Variants in FRAS1 observed in about 807,000 individuals in gnomAD.
The protein encoded by FRAS1 is extracellular matrix organizing protein FRAS1.
Under a neutral mutation model 435.2 loss-of-function variants are expected in FRAS1, and 290 were observed. The observed-to-expected ratio is 0.67, with a 90% CI of 0.61 to 0.73. The LOEUF is 0.73. Ranked by LOEUF, FRAS1 falls within the 30% of genes least tolerant of loss-of-function variation. The pLI is 0.00. For synonymous variants in FRAS1, 1,800 were observed against 1,851.0 expected (o/e 0.97, Z 0.71); for missense variants, 4,860 against 5,001.5 (o/e 0.97, Z 0.85).
intron 2 of FRAS1, among the ~76,000 whole-genome samples, chr4:78,118,778 ATGCCTCACCCTCCTTCGGCT>A (rs1165475456): frequency 6.6e-6 from 1 of 151,988 alleles, no homozygotes; most frequent in African/African-American, 2.4e-5. Flanking sequence ...GGGTGAGGCA[ATGCCTCACCCTCCTTCGGCT>A]TGCACTCGGT....
At chr4:78,374,283 G>A (rs750447278) in intron 25 of FRAS1, 32 bp downstream of exon 25, 2 of 1,541,786 alleles carry the variant, frequency 1.3e-6, no homozygotes, top group East Asian at 2.3e-5. Flanking sequence ...ATTCTGGAAA[G>A]AAGTGAGGGC....
chr4:78,510,682 G>A (rs1217245595), intron 63 of FRAS1, among the ~76,000 whole-genome samples: 1 of 152,210 alleles, frequency 6.6e-6, no homozygotes, highest in Non-Finnish European at 1.5e-5. Context: ...GCTTCTGTAT[G>A]TTTGGGGACT....
chr4:78,533,350 G>A (rs57852431), intron 70 of FRAS1, among the ~76,000 whole-genome samples: 13,791 of 152,192 alleles, frequency 0.091, 796 homozygotes, highest in East Asian at 0.3. Context: ...ATGAGCCCTG[G>A]GGCACTAGAG....
intron 2 of FRAS1, among the ~76,000 whole-genome samples, chr4:78,148,727 C>G (rs1720515706): frequency 6.6e-6 from 1 of 152,166 alleles, no homozygotes. Flanking sequence ...TATTCAATAA[C>G]CTGATCAACT....
chr4:78,534,477 A>G lies in FRAS1; in HGVS notation c.10954A>G (p.Thr3652Ala). The G allele has an allele frequency of 6.2e-7, 1 of 1,613,384 alleles. No individual in the cohort carries two copies. The highest frequency in any genetic ancestry group is 8.5e-7 in the Non-Finnish European group (1 of 1,179,620). ...RFLIPIAFQQ[T>A]NRPVPVVYSL... is the part of the protein sequence containing the mutation. Reference sequence around the variant, plus strand: ...CCTGATACCCATTGCATTCCAGCAGACCAACCGCCCTGTGCCAGTTGTGTA... The same window carrying G: ...CCTGATACCCATTGCATTCCAGCAGGCCAACCGCCCTGTGCCAGTTGTGTA... The change falls in exon 71 of 74, where the codon ACC becomes GCC. Residue 3652 changes from threonine (T) to alanine (A), a missense_variant. Physicochemically the swap from Thr to Ala is moderately conservative, Grantham distance 58. Coordinates refer to ENST00000512123, the MANE Select transcript of FRAS1 (RefSeq NM_025074.7).
At chr4:78,134,650 T>C (rs1719845723) in intron 2 of FRAS1, among the ~76,000 whole-genome samples, 1 of 152,246 alleles carries the variant, frequency 6.6e-6, no homozygotes, top group African/African-American at 2.4e-5. Flanking sequence ...GTTTTACCTA[T>C]GGATTTAAAG....
chr4:78,516,441 C>T (rs1014175303), intron 66 of FRAS1, among the ~76,000 whole-genome samples: 1 of 152,188 alleles, frequency 6.6e-6, no homozygotes, highest in Non-Finnish European at 1.5e-5. Context: ...CTCTGTTGTC[C>T]TATGCATTGT....
At chr4:78,209,862 T>C (rs10010153) in intron 2 of FRAS1, among the ~76,000 whole-genome samples, 49 of 152,228 alleles carry the variant, frequency 3.2e-4, no homozygotes, top group African/African-American at 1.2e-3. Context: ...TTCTTTACTG[T>C]TGACCTGCCT....
chr4:78,489,618 A>G (rs1037278223), intron 59 of FRAS1, among the ~76,000 whole-genome samples: 1 of 152,212 alleles, frequency 6.6e-6, no homozygotes, highest in Non-Finnish European at 1.5e-5. Flanking sequence ...GATGTCATCT[A>G]TTCCTTCTTT....
chr4:78,091,604 C>T (rs949228672), intron 2 of FRAS1, among the ~76,000 whole-genome samples: 1 of 139,392 alleles, frequency 7.2e-6, no homozygotes, highest in African/African-American at 2.7e-5. Flanking sequence ...TATTTATATA[C>T]ATACATACAC....
intron 2 of FRAS1, among the ~76,000 whole-genome samples, chr4:78,115,432 G>A (rs1468110046): frequency 6.6e-6 from 1 of 152,122 alleles, no homozygotes; most frequent in Non-Finnish European, 1.5e-5. Context: ...ACCTCTGGTA[G>A]AATTCGGCTG....
chr4:78,492,343 C>A (rs1338976888), intron 59 of FRAS1, among the ~76,000 whole-genome samples: 1 of 152,110 alleles, frequency 6.6e-6, no homozygotes, highest in Non-Finnish European at 1.5e-5. Flanking sequence ...CCAAGACAAT[C>A]CTAAGCAAAA....
intron 58 of FRAS1, among the ~76,000 whole-genome samples, chr4:78,484,166 T>C (rs1720103016): frequency 6.6e-6 from 1 of 152,172 alleles, no homozygotes; most frequent in Admixed American, 6.5e-5. Flanking sequence ...ATTTTGCATC[T>C]GGTTTCTTTC....
At chr4:78,179,749 C>G (rs1483165972) in intron 2 of FRAS1, among the ~76,000 whole-genome samples, 1 of 152,118 alleles carries the variant, frequency 6.6e-6, no homozygotes, top group African/African-American at 2.4e-5. Flanking sequence ...AGGAATGGAA[C>G]TGGCAGCCAC....
intron 2 of FRAS1, among the ~76,000 whole-genome samples, chr4:78,075,011 G>A (rs1201440073): frequency 3.9e-5 from 6 of 152,106 alleles, no homozygotes; most frequent in Non-Finnish European, 8.8e-5. Flanking sequence ...CTCCGGTTTC[G>A]TATGCTCTTG....
chr4:78,289,749 A>T lies in FRAS1; in HGVS notation c.1534+3210A>T, dbSNP rs990870237. Among the ~76,000 whole-genome samples the T allele has an allele frequency of 3.3e-5, 5 of 152,128 alleles. No individual in the cohort carries two copies. The East Asian group carries it at 9.6e-4, about 29-fold the overall frequency. ...TGCCCTGCTCTCACCCATTTCCAGG[A>T]ATTAATAGCCCACTGCTTAATTACC... is the stretch of plus-strand genomic sequence containing the variant. On this transcript the variant is annotated intron_variant, in intron 14 of 73. Transcript: ENST00000512123.
At chr4:78,124,272 C>T (rs56350977) in intron 2 of FRAS1, among the ~76,000 whole-genome samples, 9,583 of 152,192 alleles carry the variant, frequency 0.063, 824 homozygotes, top group African/African-American at 0.19. Context: ...TGATGGATTA[C>T]GTTTATTGAT....
chr4:78,084,685 T>C lies in FRAS1; in HGVS notation c.108+18669T>C, dbSNP rs561979031. ...TTCTGGAATGAAAGATGTTCCGTCCTCTTCATACATTTCCTGCTCTAGTCC... is the reference window on the plus strand; with the variant it reads ...TTCTGGAATGAAAGATGTTCCGTCCCCTTCATACATTTCCTGCTCTAGTCC... On this transcript the variant is annotated intron_variant, in intron 2 of 73. Transcript: ENST00000512123. Among the ~76,000 whole-genome samples, 15 of 152,230 alleles carry C rather than the reference T, an allele frequency of 9.9e-5. No individual in the cohort carries two copies. The East Asian group carries it at 1.2e-3, about 12-fold the overall frequency.
intron 68 of FRAS1, 122 bp from the exon 69 acceptor site, chr4:78,522,527 C>A: frequency 1.2e-6 from 1 of 863,608 alleles, no homozygotes; most frequent in Non-Finnish European, 1.8e-6. Flanking sequence ...ATGGGCTAAG[C>A]TTAGTTGTTT....
Sources: gnomAD v4.1 joint callset for allele counts (sites outside exome capture counted in the v4.1 genomes callset) on GRCh38, gnomAD v4.1.1 for gene constraint, MANE v1.5 for transcripts, NCBI Gene and HGNC (gene_info 2026-07-23, HGNC 2026-07-21) for gene names.